The following CSNK1A1 variants were observed in gnomAD, a reference collection of about 807,000 sequenced individuals.
CSNK1A1 encodes the protein casein kinase 1 alpha 1.
A neutral mutation model predicts 46.1 loss-of-function variants in CSNK1A1; 7 were observed. The ratio of observed to expected loss-of-function variants is 0.15; its 90% CI spans 0.09 to 0.29. The LOEUF is 0.29. Ranked by LOEUF, CSNK1A1 falls within the 10% of genes least tolerant of loss-of-function variation. The pLI, the probability that CSNK1A1 is intolerant of heterozygous loss-of-function variation, is 1.00. For synonymous variants in CSNK1A1, 137 were observed against 141.5 expected (o/e 0.97, Z 0.23); for missense variants, 96 against 417.1 (o/e 0.23, Z 6.71).
intron 9 of CSNK1A1, chr5:149,497,664 C>T (rs1357345847): frequency 4.1e-6 from 4 of 985,342 alleles, no homozygotes; most frequent in Admixed American, 6.2e-5. Flanking sequence ...ATCTCTTAAG[C>T]ACCGTTTTTC....
rs889859473 is a variant in CSNK1A1 at position 149,507,260 on chromosome 5, G to A, written c.751-127C>T. 1.2e-4 allele frequency: 81 copies of A among 656,946 alleles called. No homozygotes were observed. In the East Asian group the frequency reaches 1.8e-3, roughly 14 times the overall value. 40.7% of individuals were successfully genotyped at this position (656,946 alleles called of 1,614,324 possible). On this transcript the variant is annotated intron_variant, in intron 7 of 9. Coordinates refer to ENST00000377843, the MANE Select transcript of CSNK1A1 (RefSeq NM_001892.6). ...TTTACCATTTCATAGGAAGATATGA[G>A]AGCTAAAATGATGGCTTGGTCTCCT...
intron 9 of CSNK1A1, chr5:149,502,746 T>C: frequency 3.0e-6 from 3 of 983,904 alleles, no homozygotes; most frequent in Non-Finnish European, 3.6e-6. Context: ...TTGGGATCAA[T>C]GAATCATTGA....
chr5:149,540,524 C>A (rs1195960239), intron 2 of CSNK1A1, among the ~76,000 whole-genome samples: 2 of 152,058 alleles, frequency 1.3e-5, no homozygotes, highest in African/African-American at 4.8e-5. Context: ...TCAGATAAAT[C>A]CTATAATGTA....
chr5:149,550,800 T>C lies in CSNK1A1; in HGVS notation c.123+42A>G, dbSNP rs1561777665. On this transcript the variant is annotated intron_variant, in intron 1 of 9. Transcript: ENST00000377843. This position sits in a 1 kb window ranked among gnomAD's most constrained non-coding sequence, Gnocchi z 4.3. ...GCACGGTGGTGGTGGGGGGAATGAG[T>C]AAAAGCGCAGCGTTATCGTGAACCC... 1.2e-6 allele frequency: 2 copies of C among 1,612,630 alleles called. No homozygotes were observed. Among genetic ancestry groups the C allele is most frequent in the Admixed American group, 1.7e-5 (1 of 59,932 alleles).
At chr5:149,515,890 G>A (rs560108702) in intron 4 of CSNK1A1, among the ~76,000 whole-genome samples, 14 of 152,234 alleles carry the variant, frequency 9.2e-5, no homozygotes, top group Non-Finnish European at 1.8e-4. Context: ...TATGTGCAAA[G>A]ACACAGGCAC....
intron 9 of CSNK1A1, chr5:149,499,304 AAGGGG>A: frequency 3.0e-6 from 2 of 658,720 alleles, no homozygotes; most frequent in Non-Finnish European, 3.6e-6. Flanking sequence ...CTTAAAAAAA[AAGGGG>A]AGGGGGAGGG....
intron 2 of CSNK1A1, among the ~76,000 whole-genome samples, chr5:149,547,667 T>C (rs537969365): frequency 2.0e-5 from 3 of 151,950 alleles, no homozygotes; most frequent in South Asian, 2.1e-4. Context: ...TTTTCCCACA[T>C]AGTAGGTTTT....
Position 149,551,089 on chromosome 5 carries a change from CT to C in CSNK1A1, c.-126del. On this transcript the variant is annotated 5_prime_UTR_variant, in exon 1 of 10. Transcript: ENST00000377843. ...GCGGCAGGAAACGGAACACGGAGGCCTTTACCGGGGTTCGGGGCCCAGAATC... is the reference window on the plus strand; with the variant it reads ...GCGGCAGGAAACGGAACACGGAGGCCTTACCGGGGTTCGGGGCCCAGAATC... The C allele has an allele frequency of 9.4e-7, 1 of 1,062,934 alleles. No individual in the cohort carries two copies. The allele number at this position is 1,062,934 out of a possible 1,614,324, so 65.8% of individuals were successfully genotyped here.
rs148603059 is a variant in CSNK1A1, at chr5:149,550,703, G to A, written c.123+139C>T. ...GGGAGACAGCGGACGAGGTTCGTAA[G>A]CCAGGAAAACTAGCTCCCTGGACTC... On this transcript the variant is annotated intron_variant, in intron 1 of 9. Transcript: ENST00000377843. The surrounding 1 kb of genome is among the most constrained non-coding windows in gnomAD (Gnocchi z 4.3). 3.8e-4 allele frequency: 465 copies of A among 1,237,852 alleles called. 1 individual carries two copies. The highest frequency in any genetic ancestry group is 6.7e-4 in the Middle Eastern group (3 of 4,448). 76.7% of individuals were successfully genotyped at this position (1,237,852 alleles called of 1,614,324 possible).
At chr5:149,522,117 GTTT>G (rs1053892185) in intron 3 of CSNK1A1, among the ~76,000 whole-genome samples, 1 of 151,088 alleles carries the variant, frequency 6.6e-6, no homozygotes, top group Admixed American at 6.6e-5. Context: ...GTGTTTTTTT[GTTT>G]TTTTTGAGAC....
intron 2 of CSNK1A1, among the ~76,000 whole-genome samples, chr5:149,538,234 C>A (rs1762123539): frequency 1.3e-5 from 2 of 151,858 alleles, no homozygotes; most frequent in South Asian, 4.2e-4. Flanking sequence ...GTTGGTCAGG[C>A]TGGTCTCGAA....
rs373007853 is a variant in CSNK1A1 at position 149,550,671 on chromosome 5, C to T, written c.123+171G>A. 3.4e-4 allele frequency among the ~76,000 whole-genome samples: 51 copies of T among 152,154 alleles called. 1 individual carries two copies. In the South Asian group the frequency reaches 5.2e-3, roughly 15 times the overall value. On this transcript the variant is annotated intron_variant, in intron 1 of 9. Coordinates refer to ENST00000377843, the MANE Select transcript of CSNK1A1 (RefSeq NM_001892.6). This position sits in a 1 kb window ranked among gnomAD's most constrained non-coding sequence, Gnocchi z 4.3. ...CCAACCTTTCTATCGGGTTCTTGAC[C>T]CTTTTAGGGAGACAGCGGACGAGGT...
At chr5:149,542,692 A>T (rs1411012005) in intron 2 of CSNK1A1, among the ~76,000 whole-genome samples, 7,151 of 15,958 alleles carry the variant, frequency 0.45, 1,422 homozygotes, top group Middle Eastern at 0.58. Context: ...ATATATATAT[A>T]TTTTTTTTTT....
intron 9 of CSNK1A1, chr5:149,497,900 C>A (rs745763896): frequency 4.5e-6 from 4 of 898,470 alleles, no homozygotes; most frequent in Non-Finnish European, 5.3e-6. Flanking sequence ...GTGGCATGAT[C>A]TTGGCTCACC....
At chr5:149,542,619 T>TTTTTTTTTTTTTTTG (rs1762291875) in intron 2 of CSNK1A1, among the ~76,000 whole-genome samples, 1 of 12,388 alleles carries the variant, frequency 8.1e-5, no homozygotes, top group African/African-American at 6.0e-4. Flanking sequence ...TATATATATA[T>TTTTTTTTTTTTTTTG]ATATATATAT....
chr5:149,502,527 G>T (rs1361478533), intron 9 of CSNK1A1: 2 of 205,836 alleles, frequency 9.7e-6, no homozygotes, highest in African/African-American at 2.8e-5. Flanking sequence ...TTTTGGGGGG[G>T]GGGGGGTTGG....
chr5:149,547,744 A>G (rs1195634104), intron 2 of CSNK1A1, among the ~76,000 whole-genome samples: 3 of 152,172 alleles, frequency 2.0e-5, no homozygotes, highest in Non-Finnish European at 1.5e-5. Context: ...TCTTCACCTC[A>G]TAAGATAAAT....
intron 2 of CSNK1A1, among the ~76,000 whole-genome samples, chr5:149,531,864 T>C (rs1026184644): frequency 6.6e-6 from 1 of 151,448 alleles, no homozygotes; most frequent in Non-Finnish European, 1.5e-5. Flanking sequence ...ATTTGGGATA[T>C]AGTAATATAC....
chr5:149,509,425 G>A (rs185257470), intron 7 of CSNK1A1, among the ~76,000 whole-genome samples: 1 of 151,952 alleles, frequency 6.6e-6, no homozygotes, highest in Non-Finnish European at 1.5e-5. Flanking sequence ...TACCTAGGCT[G>A]GAGTGCAGTG....
Sources: allele counts gnomAD v4.1 joint callset (sites outside exome capture counted in the v4.1 genomes callset), GRCh38; gene constraint gnomAD v4.1.1; non-coding constraint Gnocchi (gnomAD v3.1); transcripts MANE v1.5; gene names NCBI Gene and HGNC (gene_info 2026-07-23, HGNC 2026-07-21).